Variants in DPP6 observed in about 807,000 individuals in gnomAD.
DPP6 encodes the protein A-type potassium channel modulatory protein DPP6.
DPP6 carries 69 observed loss-of-function variants against 122.6 expected under a neutral mutation model. That is an observed-to-expected ratio of 0.56 (90% CI 0.46 to 0.69). The LOEUF (loss-of-function observed/expected upper bound fraction) is 0.69. Among genes scored for constraint, DPP6 ranks in the 30% least tolerant of loss-of-function variants. DPP6 has a pLI of 0.00. For missense variants in DPP6, 928 were observed against 1,116.9 expected, an observed-to-expected ratio of 0.83 and a Z score of 2.41; for synonymous variants, 418 against 433.1, an observed-to-expected ratio of 0.97 and a Z score of 0.43.
chr7:153,999,345 A>T (rs757617), intron 1 of DPP6, among the ~76,000 whole-genome samples: 2 of 152,248 alleles, frequency 1.3e-5, no homozygotes, highest in Non-Finnish European at 2.9e-5. Flanking sequence ...TGCAAGCAGT[A>T]TGGAAACCTG....
chr7:154,257,889 T>C (rs1802757008), intron 1 of DPP6, among the ~76,000 whole-genome samples: 1 of 152,144 alleles, frequency 6.6e-6, no homozygotes, highest in Non-Finnish European at 1.5e-5. Flanking sequence ...TTGGCTTCTG[T>C]TGGTTAGCAG....
intron 1 of DPP6, among the ~76,000 whole-genome samples, chr7:154,420,712 A>G (rs1005785290): frequency 6.6e-6 from 1 of 152,202 alleles, no homozygotes; most frequent in Non-Finnish European, 1.5e-5. Context: ...ATGTTCTCAC[A>G]ACAAAAAATA....
intron 1 of DPP6, among the ~76,000 whole-genome samples, chr7:154,195,464 C>T (rs1314538891): frequency 2.0e-5 from 3 of 152,132 alleles, no homozygotes; most frequent in Admixed American, 1.3e-4. Flanking sequence ...TGGCCGGCAG[C>T]CTGTTGGGTA....
intron 1 of DPP6, among the ~76,000 whole-genome samples, chr7:154,314,231 TG>T (rs1416641986): frequency 1.3e-5 from 2 of 152,168 alleles, no homozygotes; most frequent in African/African-American, 2.4e-5. Context: ...ATCTATGAAA[TG>T]GGGATGATTC....
intron 1 of DPP6, among the ~76,000 whole-genome samples, chr7:154,082,850 T>C (rs28580506): frequency 4.8e-3 from 110 of 22,826 alleles, no homozygotes; most frequent in South Asian, 8.5e-3. Flanking sequence ...CTTTTTCTTT[T>C]TTTTTTTTTT....
rs115488664 is a variant in DPP6, at chr7:154,672,585, G to C, written c.762+3144G>C. 4.3e-3 allele frequency among the ~76,000 whole-genome samples: 658 copies of C among 152,294 alleles called. 6 individuals are homozygous for C. The highest frequency in any genetic ancestry group is 0.015 in the African/African-American group (630 of 41,570). ...GTGACAGAAATTTGACTTCCTTTCTGCTTCAAAGAAATGAATGTTCAGGTA... is the reference window on the plus strand; with the variant it reads ...GTGACAGAAATTTGACTTCCTTTCTCCTTCAAAGAAATGAATGTTCAGGTA... On this transcript the variant is annotated intron_variant, in intron 7 of 25. Transcript: ENST00000377770.
chr7:154,618,429 GC>G lies in DPP6; in HGVS notation c.628-19389del, dbSNP rs1377758240. On this transcript the variant is annotated intron_variant, in intron 5 of 25. Coordinates refer to ENST00000377770, the MANE Select transcript of DPP6 (RefSeq NM_130797.4). This position sits in a 1 kb window ranked among gnomAD's most constrained non-coding sequence, Gnocchi z 4.1. ...TTCCTGTGCACACACACTGTTGCTT[GC>G]CCAGACATGCTTCCCCTTTGTCTTG... 2.6e-5 allele frequency among the ~76,000 whole-genome samples: 4 copies of G among 152,172 alleles called. No homozygotes were observed. Among genetic ancestry groups the G allele is most frequent in the Non-Finnish European group, 5.9e-5 (4 of 68,032 alleles).
intron 11 of DPP6, among the ~76,000 whole-genome samples, chr7:154,794,511 C>T (rs375293270): frequency 6.6e-4 from 100 of 152,324 alleles, no homozygotes; most frequent in African/African-American, 2.3e-3. Context: ...ACCGCTGTGA[C>T]CTAAGTGAGC....
At chr7:154,212,773 A>C (rs1270816234) in intron 1 of DPP6, among the ~76,000 whole-genome samples, 4 of 152,186 alleles carry the variant, frequency 2.6e-5, no homozygotes, top group Non-Finnish European at 5.9e-5. Flanking sequence ...GGGAGAGAAC[A>C]CAGAGTAATT....
chr7:154,318,788 A>G (rs1585921704), intron 1 of DPP6, among the ~76,000 whole-genome samples: 1 of 152,040 alleles, frequency 6.6e-6, no homozygotes, highest in African/African-American at 2.4e-5. Context: ...ACCTTCCCAC[A>G]CTATACCCCA....
rs576750463 is a variant in DPP6, at chr7:154,760,452, C to T, written c.884-8965C>T. Among the ~76,000 whole-genome samples the T allele has an allele frequency of 1.3e-5, 2 of 152,204 alleles. No homozygotes were observed. Among genetic ancestry groups the T allele is most frequent in the Admixed American group, 6.5e-5 (1 of 15,270 alleles). ...CAGACTTCAGCCAGTTCTCTTATCT[C>T]GGGGCGGAGGGAGCGTCAGTGTTTC... On this transcript the variant is annotated intron_variant, in intron 8 of 25. Coordinates refer to ENST00000377770, the MANE Select transcript of DPP6 (RefSeq NM_130797.4). The surrounding 1 kb of genome is among the most constrained non-coding windows in gnomAD (Gnocchi z 4.5).
At chr7:154,571,818 ACTT>A (rs1831127884) in intron 5 of DPP6, among the ~76,000 whole-genome samples, 1 of 152,210 alleles carries the variant, frequency 6.6e-6, no homozygotes, top group African/African-American at 2.4e-5. Flanking sequence ...CGTTTTAGTT[ACTT>A]GCCACTGCAT....
intron 1 of DPP6, chr7:154,092,243 T>C (rs1563190934): frequency 6.6e-6 from 1 of 152,336 alleles, no homozygotes; most frequent in East Asian, 1.9e-4. Flanking sequence ...TCTTTCTGTA[T>C]TTACCAATAA....
the DPP6 span, among the ~76,000 whole-genome samples, chr7:153,776,069 A>G: frequency 6.6e-6 from 1 of 152,194 alleles, no homozygotes; most frequent in Non-Finnish European, 1.5e-5. Context: ...TGACAAGTTC[A>G]TTATAAAATG....
chr7:154,430,116 C>T (rs1258703424), intron 1 of DPP6, among the ~76,000 whole-genome samples: 1 of 152,076 alleles, frequency 6.6e-6, no homozygotes, highest in Non-Finnish European at 1.5e-5. Flanking sequence ...CTGTTGCGCT[C>T]GCCTCCATTC....
At position 154,368,444 on chromosome 7, in the gene DPP6, C is replaced by T. The variant is rs576562697; in HGVS notation, c.244-77770C>T. The stretch of plus-strand genomic sequence containing the variant: ...GAGGCTCAGCAATCTATGTTTTAAC[C>T]CTTTTCCTGTTTGCTTTGAGAATGT... On this transcript the variant is annotated intron_variant, in intron 1 of 25. Coordinates refer to ENST00000377770, the MANE Select transcript of DPP6 (RefSeq NM_130797.4). 1.1e-4 allele frequency among the ~76,000 whole-genome samples: 17 copies of T among 152,318 alleles called. No homozygotes were observed. The South Asian group carries it at 3.5e-3, about 32-fold the overall frequency.
the DPP6 span, among the ~76,000 whole-genome samples, chr7:153,776,734 G>T: frequency 1.3e-5 from 2 of 152,136 alleles, no homozygotes; most frequent in Admixed American, 6.5e-5. Flanking sequence ...GACGGGACAT[G>T]CATATGAAAA....
chr7:154,542,260 A>G (rs1275765419), intron 4 of DPP6, among the ~76,000 whole-genome samples: 1 of 152,188 alleles, frequency 6.6e-6, no homozygotes, highest in Non-Finnish European at 1.5e-5. Flanking sequence ...TAAAAAAATC[A>G]TCTTTGGTAG....
At chr7:154,053,340 T>G (rs1800547047) in intron 1 of DPP6, among the ~76,000 whole-genome samples, 2 of 152,112 alleles carry the variant, frequency 1.3e-5, no homozygotes, top group South Asian at 2.1e-4. Context: ...GGAATTCGCC[T>G]TACGTTCCCT....
Sources: allele counts gnomAD v4.1 joint callset (sites outside exome capture counted in the v4.1 genomes callset), GRCh38; gene constraint gnomAD v4.1.1; non-coding constraint Gnocchi (gnomAD v3.1); transcripts MANE v1.5; gene names NCBI Gene and HGNC (gene_info 2026-07-23, HGNC 2026-07-21).